The following ZNF512B variants were observed in gnomAD, a reference collection of about 807,000 sequenced individuals.
The protein encoded by ZNF512B is zinc finger protein 512B.
ZNF512B carries 22 observed loss-of-function variants against 87.8 expected under a neutral mutation model. The observed-to-expected ratio is 0.25, with a 90% CI of 0.18 to 0.36. The LOEUF (loss-of-function observed/expected upper bound fraction) is 0.36, where lower values mean the gene tolerates loss of function less well. Ranked by LOEUF, ZNF512B falls within the 10% of genes least tolerant of loss-of-function variation. The pLI is 1.00. For synonymous variants in ZNF512B, 524 were observed against 490.9 expected (o/e 1.07, Z -0.89); for missense variants, 1,060 against 1,231.6 (o/e 0.86, Z 2.09).
chr20:63,966,005 C>T, intron 5 of ZNF512B, 136 bp downstream of exon 5: 1 of 1,263,048 alleles, frequency 7.9e-7, no homozygotes, highest in African/African-American at 2.9e-5. Context: ...AGCCCCCATA[C>T]CTTTTCTCAC....
chr20:63,964,758 G>C (rs757948698), intron 5 of ZNF512B, 42 bp from the exon 6 acceptor site: 1 of 1,598,090 alleles, frequency 6.3e-7, no homozygotes, highest in South Asian at 1.1e-5. Flanking sequence ...GGGCCTAACT[G>C]TGGGCCCCAT....
At position 63,967,898 on chromosome 20, in the gene ZNF512B, C is replaced by A. The variant is rs1350848418; in HGVS notation, c.53G>T (p.Ser18Ile). The A allele has an allele frequency of 2.5e-6, 4 of 1,613,074 alleles. No homozygotes were observed. Among genetic ancestry groups the A allele is most frequent in the African/African-American group, 1.3e-5 (1 of 74,940 alleles). Residue 18 changes from serine to isoleucine, a missense_variant, in exon 2 of 17, where the codon AGT becomes ATT. Physicochemically the swap from Ser to Ile is moderately radical, Grantham distance 142. Coordinates refer to ENST00000369888, the MANE Select transcript of ZNF512B (RefSeq NM_020713.3). ...TCGGCTGCCATCCTTCCCGGGACCA[C>A]TCTTGCTGGACCCCGGGAGCCGACG... ...GGRRLPGSSK[S>I]GPGKDGSRKE...
rs990459762 is a variant in ZNF512B at position 63,959,850 on chromosome 20, G to A, written c.*38C>T. 2 of 1,524,040 alleles carry A rather than the reference G, an allele frequency of 1.3e-6. No homozygotes were observed. The highest frequency in any genetic ancestry group is 2.1e-5 in the Admixed American group (1 of 47,462). The allele number at this position is 1,524,040 out of a possible 1,614,324, so 94.4% of individuals were successfully genotyped here. On this transcript the variant is annotated 3_prime_UTR_variant, in exon 17 of 17. Coordinates refer to ENST00000369888, the MANE Select transcript of ZNF512B (RefSeq NM_020713.3). ...GGCCCTGCCTTGAACAGAGGGCGGT[G>A]TGGCGGCTGCATGGGGGCCAGGCCC...
Position 63,961,253 on chromosome 20 carries a change from C to T in ZNF512B, c.2427+56G>A. ...ACCCCCAAGGGGTGCCCAACCCCAG[C>T]CCTGTCCCCTCCTGGGCTAGCCCCC... On this transcript the variant is annotated intron_variant, in intron 16 of 16. Coordinates refer to ENST00000369888, the MANE Select transcript of ZNF512B (RefSeq NM_020713.3). This position sits in a 1 kb window ranked among gnomAD's most constrained non-coding sequence, Gnocchi z 6.4. The T allele has an allele frequency of 1.3e-6, 2 of 1,572,484 alleles. No individual in the cohort carries two copies. Among genetic ancestry groups the T allele is most frequent in the African/African-American group, 1.3e-5 (1 of 74,358 alleles).
rs1272278978 is a variant in ZNF512B, at chr20:63,967,982, C to T, written c.-2-30G>A. ...AGAGCAAGTAGACAATCTGTGAAGCCTGACGGGCCCCACTTGGAACACGTG... is the reference window on the plus strand; with the variant it reads ...AGAGCAAGTAGACAATCTGTGAAGCTTGACGGGCCCCACTTGGAACACGTG... On this transcript the variant is annotated intron_variant, in intron 1 of 16. Coordinates refer to ENST00000369888, the MANE Select transcript of ZNF512B (RefSeq NM_020713.3). 3.2e-6 allele frequency: 5 copies of T among 1,584,734 alleles called. No homozygotes were observed. In the East Asian group the frequency reaches 9.1e-5, roughly 29 times the overall value.
rs754486292 is a variant in ZNF512B at position 63,966,598 on chromosome 20, C to T, written c.577G>A (p.Gly193Arg). ...SRPVGVSKPI[G>R]VSKPVTIGKP... ...CCAATAGTGACAGGTTTGCTCACTCCGATGGGCTTGCTGACCCCAACAGGC... is the reference window on the plus strand; with the variant it reads ...CCAATAGTGACAGGTTTGCTCACTCTGATGGGCTTGCTGACCCCAACAGGC... The change falls in exon 5 of 17, where the codon GGA becomes AGA. Residue 193 changes from glycine to arginine, a missense_variant. Transcript: ENST00000369888. 4.3e-6 allele frequency: 7 copies of T among 1,613,506 alleles called. No homozygotes were observed. Among genetic ancestry groups the T allele is most frequent in the African/African-American group, 2.7e-5 (2 of 74,880 alleles).
intron 5 of ZNF512B, 89 bp from the exon 6 acceptor site, chr20:63,964,805 G>A: frequency 6.4e-7 from 1 of 1,557,818 alleles, no homozygotes; most frequent in South Asian, 1.2e-5. Context: ...CCCTGACCTG[G>A]AACGAGCCCC....
intron 14 of ZNF512B, 28 bp from the exon 15 acceptor site, chr20:63,962,032 GC>G (rs1421669466): frequency 5.2e-6 from 8 of 1,549,564 alleles, no homozygotes; most frequent in African/African-American, 2.7e-5. Flanking sequence ...GTGGGCGAAG[GC>G]CTCTGGTGGG....
Position 63,960,153 on chromosome 20 carries a change from A to G in ZNF512B, c.2428-14T>C. 1 of 1,612,714 alleles carries G rather than the reference A, an allele frequency of 6.2e-7. No homozygotes were observed. The highest frequency in any genetic ancestry group is 8.5e-7 in the Non-Finnish European group (1 of 1,179,512). ...TCGGAACCAGTTCTGGGGAGAGAAA[A>G]GCGCTGATGAAGACCTGGGACTGGA... On this transcript the variant is annotated splice_polypyrimidine_tract_variant and intron_variant, in intron 16 of 16. Coordinates refer to ENST00000369888, the MANE Select transcript of ZNF512B (RefSeq NM_020713.3).
rs201202425 is a variant in ZNF512B at position 63,967,874 on chromosome 20, C to T, written c.77G>A (p.Arg26Gln). The change falls in exon 2 of 17, where the codon CGA (arginine) becomes CAA (glutamine). Residue 26 changes from arginine to glutamine, a missense_variant. This residue lies in a region of ZNF512B where 134 missense variants were observed against 153.6 expected (regional missense o/e 0.87). Coordinates refer to ENST00000369888, the MANE Select transcript of ZNF512B (RefSeq NM_020713.3). Reference protein sequence around the residue: ...SKSGPGKDGSRKEVRLPMLHD... With the variant: ...SKSGPGKDGSQKEVRLPMLHD... ...CAGCATTGGAAGTCGGACCTCCTTTCGGCTGCCATCCTTCCCGGGACCACT... is the reference window on the plus strand; with the variant it reads ...CAGCATTGGAAGTCGGACCTCCTTTTGGCTGCCATCCTTCCCGGGACCACT... 1.2e-5 allele frequency: 19 copies of T among 1,613,416 alleles called. No individual in the cohort carries two copies. Among genetic ancestry groups the T allele is most frequent in the Middle Eastern group, 3.3e-4 (2 of 6,058 alleles).
Position 63,962,907 on chromosome 20 carries a change from C to T in ZNF512B, c.1969-126G>A, listed in dbSNP as rs764953168. ...CCCAGTGTGCTGGGGACATGGCTGACGCAGGCAACCCGAGGGAACACGGAG... is the reference window on the plus strand; with the variant it reads ...CCCAGTGTGCTGGGGACATGGCTGATGCAGGCAACCCGAGGGAACACGGAG... On this transcript the variant is annotated intron_variant, in intron 12 of 16. Coordinates refer to ENST00000369888, the MANE Select transcript of ZNF512B (RefSeq NM_020713.3). 23 of 1,266,308 alleles carry T rather than the reference C, an allele frequency of 1.8e-5. 1 individual carries two copies. The highest frequency in any genetic ancestry group is 1.4e-4 in the African/African-American group (9 of 66,590). The allele number at this position is 1,266,308 out of a possible 1,614,324, so 78.4% of individuals were successfully genotyped here. A position where few individuals can be genotyped will look rare whatever the true frequency, so the allele number is the denominator to read the frequency against.
rs768531098 is a variant in ZNF512B, at chr20:63,963,608, C to T, written c.1698+10G>A. The T allele has an allele frequency of 6.2e-7, 1 of 1,613,190 alleles. No individual in the cohort carries two copies. Among genetic ancestry groups the T allele is most frequent in the Non-Finnish European group, 8.5e-7 (1 of 1,179,910 alleles). ...GTCACGCTGGACGGGAGCTGGGGGC[C>T]CGACGGTACCTTGGCACTGTGCTCG... On this transcript the variant is annotated intron_variant, in intron 10 of 16. Transcript: ENST00000369888.
Position 63,961,296 on chromosome 20 carries a change from A to G in ZNF512B, c.2427+13T>C, listed in dbSNP as rs1180249574. On this transcript the variant is annotated intron_variant, in intron 16 of 16. Coordinates refer to ENST00000369888, the MANE Select transcript of ZNF512B (RefSeq NM_020713.3). The surrounding 1 kb of genome is among the most constrained non-coding windows in gnomAD (Gnocchi z 6.4). Reference sequence around the variant, plus strand: ...TAGCCCCCAGCCACAGGCCCTGGTGATGGCCCTCGCACCTCTGCGTGGGTC... The same window carrying G: ...TAGCCCCCAGCCACAGGCCCTGGTGGTGGCCCTCGCACCTCTGCGTGGGTC... The G allele has an allele frequency of 3.1e-6, 5 of 1,610,990 alleles. No homozygotes were observed. Among genetic ancestry groups the G allele is most frequent in the Non-Finnish European group, 4.2e-6 (5 of 1,179,574 alleles).
At chr20:63,968,278 C>T (rs923585261) in intron 1 of ZNF512B, among the ~76,000 whole-genome samples, 2 of 152,234 alleles carry the variant, frequency 1.3e-5, no homozygotes, top group African/African-American at 4.8e-5. Flanking sequence ...GTGCGTAGCC[C>T]CACAGCTGCG....
chr20:63,969,218 C>A, intron 1 of ZNF512B: 1 of 980,444 alleles, frequency 1.0e-6, no homozygotes. Context: ...CCTGCTGAGG[C>A]CCCACTTCCA....
chr20:63,964,103 T>C lies in ZNF512B; in HGVS notation c.1448A>G (p.Glu483Gly), dbSNP rs376032059. Residue 483 changes from glutamate (E) to glycine (G), a missense_variant, in exon 8 of 17, where the codon GAG (glutamate) becomes GGG (glycine). Glu to Gly is a moderately conservative substitution (Grantham distance 98). Coordinates refer to ENST00000369888, the MANE Select transcript of ZNF512B (RefSeq NM_020713.3). ...VPAAPITVSK[E>G]APAPVAHPAP... Reference sequence around the variant, plus strand: ...TGGGTGGGCCACAGGGGCCGGTGCCTCCTTGCTGACAGTGATGGGGGCAGC... The same window carrying C: ...TGGGTGGGCCACAGGGGCCGGTGCCCCCTTGCTGACAGTGATGGGGGCAGC... 9.9e-6 allele frequency: 16 copies of C among 1,610,110 alleles called. No individual in the cohort carries two copies. The African/African-American group carries it at 2.0e-4, about 20-fold the overall frequency.
rs199516973 is a variant in ZNF512B, at chr20:63,959,982, G to A, written c.2585C>T (p.Pro862Leu). 3.8e-5 allele frequency: 62 copies of A among 1,612,550 alleles called. 1 individual carries two copies. In the Middle Eastern group the frequency reaches 4.9e-4, roughly 13 times the overall value. Residue 862 changes from proline to leucine, a missense_variant, in exon 17 of 17, where the codon CCG (proline) becomes CTG (leucine). By Grantham distance (98) the Pro-to-Leu change is moderately conservative. Coordinates refer to ENST00000369888, the MANE Select transcript of ZNF512B (RefSeq NM_020713.3). The part of the protein sequence containing the change: ...TPEEPVAKLP[P>L]RRDDWPPGCR... ...TCCTGGAGGCCAGTCGTCCCGGCGCGGGGGCAGCTTGGCCACAGGCTCCTC... is the reference window on the plus strand; with the variant it reads ...TCCTGGAGGCCAGTCGTCCCGGCGCAGGGGCAGCTTGGCCACAGGCTCCTC...
chr20:63,967,462 C>T lies in ZNF512B; in HGVS notation c.183G>A (p.Pro61=), dbSNP rs817330. The T allele has an allele frequency of 0.38, 619,022 of 1,611,840 alleles. 123,385 individuals carry two copies. Among genetic ancestry groups the T allele is most frequent in the African/African-American group, 0.45 (33,911 of 74,878 alleles). Residue 61 remains proline (P), a synonymous_variant, in exon 3 of 17, where the codon CCG becomes CCA. Coordinates refer to ENST00000369888, the MANE Select transcript of ZNF512B (RefSeq NM_020713.3). The part of the protein sequence containing the change: ...VPGQAPLCFD[P]GSPASDKTEG... ...CTGTCTTGTCACTGGCTGGACTTCC[C>T]GGGTCAAAGCAGAGAGGGGCCTGGC...
chr20:63,961,221 CCT>C lies in ZNF512B; in HGVS notation c.2427+86_2427+87del, dbSNP rs1487507938. The stretch of plus-strand genomic sequence containing the variant: ...AGGCACACCCCATGCAGGCCACTGA[CCT>C]CTCTACCCCCAAGGGGTGCCCAACC... On this transcript the variant is annotated intron_variant, in intron 16 of 16. Coordinates refer to ENST00000369888, the MANE Select transcript of ZNF512B (RefSeq NM_020713.3). The surrounding 1 kb of genome is among the most constrained non-coding windows in gnomAD (Gnocchi z 6.4). 8.1e-7 allele frequency: 1 copy of C among 1,236,622 alleles called. No individual in the cohort carries two copies. 76.6% of individuals were successfully genotyped at this position (1,236,622 alleles called of 1,614,324 possible). A position where few individuals can be genotyped will look rare whatever the true frequency, so the allele number is the denominator to read the frequency against.
Sources: gnomAD v4.1 joint callset for allele counts (sites outside exome capture counted in the v4.1 genomes callset) on GRCh38, gnomAD v4.1.1 for gene constraint, gnomAD v4.1.1 regional missense constraint, Gnocchi (gnomAD v3.1) non-coding constraint, MANE v1.5 for transcripts, NCBI Gene and HGNC (gene_info 2026-07-23, HGNC 2026-07-21) for gene names.